Variants in CTXND2 observed in about 807,000 individuals in gnomAD.
CTXND2 encodes cortexin domain containing 2.
Position 150,889,989 on chromosome 1 carries a change from C to T in CTXND2, c.-74+2676C>T, listed in dbSNP as rs1046821521. Among the ~76,000 whole-genome samples, 6 of 152,100 alleles carry T rather than the reference C, an allele frequency of 3.9e-5. 1 individual carries two copies. The highest frequency in any genetic ancestry group is 1.9e-4 in the East Asian group (1 of 5,186). ...CTGCTCAAAACCTTCCATTGCTTCC[C>T]GATACCTGAAAGAACAAAATTCAAA... is the stretch of plus-strand genomic sequence containing the variant. On this transcript the variant is annotated intron_variant, in intron 1 of 1. Coordinates refer to ENST00000636087, the Ensembl canonical transcript of CTXND2.
At chr1:150,899,223 T>C (rs938061254) in intron 1 of CTXND2, among the ~76,000 whole-genome samples, 2 of 152,098 alleles carry the variant, frequency 1.3e-5, no homozygotes, top group African/African-American at 4.8e-5. Flanking sequence ...AGAGGATCAC[T>C]TGAGGCCAGA....
At chr1:150,906,399 A>G (rs1669146987) in intron 1 of CTXND2, among the ~76,000 whole-genome samples, 1 of 152,154 alleles carries the variant, frequency 6.6e-6, no homozygotes, top group Non-Finnish European at 1.5e-5. Flanking sequence ...ATGAGAAGCA[A>G]AGATAAAAGT....
intron 1 of CTXND2, among the ~76,000 whole-genome samples, chr1:150,906,829 G>A (rs587733961): frequency 1.3e-5 from 2 of 152,308 alleles, no homozygotes; most frequent in Non-Finnish European, 2.9e-5. Context: ...CAAGCCATGT[G>A]ATATCCAACG....
chr1:150,891,211 CT>C (rs71090104), intron 1 of CTXND2, among the ~76,000 whole-genome samples: 17 of 148,212 alleles, frequency 1.1e-4, no homozygotes, highest in South Asian at 2.1e-4. Context: ...TCTTTTCTTT[CT>C]TTTTTTTTTT....
intron 1 of CTXND2, among the ~76,000 whole-genome samples, chr1:150,893,253 T>G (rs902149099): frequency 1.3e-5 from 2 of 152,232 alleles, no homozygotes; most frequent in African/African-American, 4.8e-5. Flanking sequence ...TTCTTTAGAC[T>G]CATCTGCGGG....
intron 1 of CTXND2, among the ~76,000 whole-genome samples, chr1:150,889,587 T>C (rs1668820976): frequency 6.6e-6 from 1 of 152,018 alleles, no homozygotes; most frequent in Admixed American, 6.6e-5. Flanking sequence ...CTTTCCTTTC[T>C]GTTACTCACT....
rs587646412 is a variant in CTXND2, at chr1:150,909,787, A to G, written c.-73-2455A>G. Among the ~76,000 whole-genome samples, 5 of 152,306 alleles carry G rather than the reference A, an allele frequency of 3.3e-5. No homozygotes were observed. In the East Asian group the frequency reaches 9.6e-4, roughly 29 times the overall value. Reference sequence around the variant, plus strand: ...GCCCCTGAGATGACAGGTATTGCCAAAGAAGAAGGCTTTACTCAGGTGCTG... The same window carrying G: ...GCCCCTGAGATGACAGGTATTGCCAGAGAAGAAGGCTTTACTCAGGTGCTG... On this transcript the variant is annotated intron_variant, in intron 1 of 1. Coordinates refer to ENST00000636087, the Ensembl canonical transcript of CTXND2.
chr1:150,907,757 T>C (rs1158277050), intron 1 of CTXND2, among the ~76,000 whole-genome samples: 1 of 129,620 alleles, frequency 7.7e-6, no homozygotes, highest in African/African-American at 2.9e-5. Context: ...TCACCCAGGC[T>C]GGAGTGCAGT....
At chr1:150,905,864 C>T (rs1571604812) in intron 1 of CTXND2, among the ~76,000 whole-genome samples, 1 of 152,034 alleles carries the variant, frequency 6.6e-6, no homozygotes, top group Non-Finnish European at 1.5e-5. Context: ...GTGGCAGGCA[C>T]CTGTAGTCCC....
intron 1 of CTXND2, among the ~76,000 whole-genome samples, chr1:150,901,334 A>G (rs1020741933): frequency 6.6e-6 from 1 of 152,224 alleles, no homozygotes; most frequent in Admixed American, 6.5e-5. Flanking sequence ...ATTGCTCTAT[A>G]GATAGAAGAC....
At chr1:150,888,204 C>T (rs1668798717) in intron 1 of CTXND2, among the ~76,000 whole-genome samples, 1 of 148,464 alleles carries the variant, frequency 6.7e-6, no homozygotes, top group Non-Finnish European at 1.5e-5. Flanking sequence ...ATTTTGAAAA[C>T]ATTTTACCTA....
At chr1:150,908,549 A>G (rs1669193350) in intron 1 of CTXND2, among the ~76,000 whole-genome samples, 1 of 152,122 alleles carries the variant, frequency 6.6e-6, no homozygotes, top group Non-Finnish European at 1.5e-5. Flanking sequence ...GGCCATTTGC[A>G]TATCTTCCTT....
chr1:150,896,571 C>T (rs1229018544), intron 1 of CTXND2, among the ~76,000 whole-genome samples: 1 of 152,144 alleles, frequency 6.6e-6, no homozygotes, highest in Non-Finnish European at 1.5e-5. Flanking sequence ...CCTCACTGTC[C>T]TTTGCTGCTT....
chr1:150,903,954 C>A, intron 1 of CTXND2: 1 of 650,370 alleles, frequency 1.5e-6, no homozygotes, highest in South Asian at 1.4e-5. Context: ...CAGTGTCACA[C>A]CGTGGAAAAG....
chr1:150,908,147 T>A (rs587669188), intron 1 of CTXND2, among the ~76,000 whole-genome samples: 2 of 151,902 alleles, frequency 1.3e-5, no homozygotes, highest in East Asian at 3.9e-4. Flanking sequence ...GGATTACAGG[T>A]GTGCGCCATC....
At chr1:150,892,857 G>T (rs902181301) in intron 1 of CTXND2, among the ~76,000 whole-genome samples, 2 of 151,976 alleles carry the variant, frequency 1.3e-5, no homozygotes, top group Non-Finnish European at 2.9e-5. Flanking sequence ...CTCTATCCTT[G>T]AGCCTTTGAG....
intron 1 of CTXND2, among the ~76,000 whole-genome samples, chr1:150,908,605 ATTGAG>A (rs1190619111): frequency 2.6e-5 from 4 of 151,904 alleles, no homozygotes; most frequent in South Asian, 2.1e-4. Flanking sequence ...CTAATTTTTA[ATTGAG>A]TTGTCTTTTC....
intron 1 of CTXND2, among the ~76,000 whole-genome samples, chr1:150,891,182 T>C (rs919918310): frequency 1.3e-4 from 20 of 152,156 alleles, no homozygotes; most frequent in Admixed American, 1.2e-3. Flanking sequence ...ACGCTACACA[T>C]TCCTGCCTAT....
intron 1 of CTXND2, among the ~76,000 whole-genome samples, chr1:150,898,929 AAAAT>A (rs1335738663): frequency 1.5e-5 from 2 of 135,776 alleles, no homozygotes; most frequent in Non-Finnish European, 3.2e-5. Context: ...TACAAAAAAA[AAAAT>A]ATATATATAT....
Sources: allele counts gnomAD v4.1 joint callset (sites outside exome capture counted in the v4.1 genomes callset), GRCh38; gene constraint gnomAD v4.1.1; transcripts MANE v1.5; gene names NCBI Gene and HGNC (gene_info 2026-07-23, HGNC 2026-07-21).